Variants in LAMB1 observed in about 807,000 individuals in gnomAD.
LAMB1 encodes laminin subunit beta 1, also known as laminin subunit beta-1.
LAMB1 carries 121 observed loss-of-function variants against 222.3 expected under a neutral mutation model. The ratio of observed to expected loss-of-function variants is 0.54; its 90% CI spans 0.47 to 0.63. LAMB1 has a LOEUF of 0.63. LAMB1 is among the 30% of genes least tolerant of loss of function. The pLI is 0.00. For synonymous variants in LAMB1, 794 were observed against 807.2 expected (o/e 0.98, Z 0.28); for missense variants, 2,172 against 2,240.8 (o/e 0.97, Z 0.62).
chr7:107,933,600 A>G (rs567453179), intron 27 of LAMB1, among the ~76,000 whole-genome samples: 1 of 148,162 alleles, frequency 6.7e-6, no homozygotes, highest in South Asian at 2.1e-4. Context: ...TGGGGCAGAC[A>G]TGGAAAAAAA....
intron 27 of LAMB1, among the ~76,000 whole-genome samples, chr7:107,933,532 G>A (rs1256759133): frequency 6.6e-6 from 1 of 151,860 alleles, no homozygotes; most frequent in African/African-American, 2.4e-5. Flanking sequence ...TAAAACCTCG[G>A]TTGCTTTCTA....
intron 24 of LAMB1, among the ~76,000 whole-genome samples, chr7:107,949,426 T>G (rs185612127): frequency 7.2e-5 from 11 of 152,154 alleles, no homozygotes; most frequent in Non-Finnish European, 1.6e-4. Context: ...GATAGAGCCA[T>G]TATCTGGAAA....
At chr7:107,953,790 C>T in intron 21 of LAMB1, 36 bp from the exon 22 acceptor site, 1 of 1,587,302 alleles carries the variant, frequency 6.3e-7, no homozygotes, top group Non-Finnish European at 8.7e-7. Flanking sequence ...AGATGTTTAG[C>T]TTATTGACTG....
At chr7:107,924,960 C>T (rs1055210189) in intron 32 of LAMB1, among the ~76,000 whole-genome samples, 8 of 152,170 alleles carry the variant, frequency 5.3e-5, no homozygotes, top group African/African-American at 1.9e-4. Flanking sequence ...AATTTCATTT[C>T]AAGAGATTTT....
intron 20 of LAMB1, 95 bp from the exon 21 acceptor site, chr7:107,955,725 T>C: frequency 9.3e-7 from 1 of 1,073,484 alleles, no homozygotes; most frequent in Admixed American, 2.9e-5. Context: ...TTGGGCACAC[T>C]CTTCTCCACT....
At chr7:107,965,314 T>C (rs2150432098) in intron 13 of LAMB1, among the ~76,000 whole-genome samples, 1 of 152,360 alleles carries the variant, frequency 6.6e-6, no homozygotes, top group South Asian at 2.1e-4. Context: ...GCACGGTGGC[T>C]CACGCCTGTA....
chr7:107,938,907 TC>T (rs1431854002), intron 25 of LAMB1, among the ~76,000 whole-genome samples: 8 of 152,228 alleles, frequency 5.3e-5, no homozygotes, highest in Admixed American at 5.2e-4. Flanking sequence ...AGGACCTCCT[TC>T]AAGTCGCTTG....
chr7:107,935,243 G>C, intron 27 of LAMB1, 172 bp downstream of exon 27: 1 of 925,846 alleles, frequency 1.1e-6, no homozygotes, highest in Non-Finnish European at 1.6e-6. Flanking sequence ...CTTGGTTACA[G>C]ATACCCCATT....
intron 24 of LAMB1, among the ~76,000 whole-genome samples, chr7:107,946,484 T>C (rs1362264358): frequency 1.3e-5 from 2 of 152,274 alleles, no homozygotes; most frequent in Non-Finnish European, 2.9e-5. Flanking sequence ...TTATGATGAC[T>C]TGACTCTGGC....
chr7:108,001,437 C>A lies in LAMB1; in HGVS notation c.213+121G>T, dbSNP rs1275978621. Reference sequence around the variant, plus strand: ...AGCTACAAGCCTAATCCCGGGACTCCCCGGCTGGCTGCGCTTCCTATCTGG... The same window carrying A: ...AGCTACAAGCCTAATCCCGGGACTCACCGGCTGGCTGCGCTTCCTATCTGG... On this transcript the variant is annotated intron_variant, in intron 3 of 33. Coordinates refer to ENST00000222399, the MANE Select transcript of LAMB1 (RefSeq NM_002291.3). The A allele has an allele frequency of 6.1e-6, 7 of 1,154,864 alleles. No individual in the cohort carries two copies. In the East Asian group the frequency reaches 1.3e-4, roughly 22 times the overall value. The allele number at this position is 1,154,864 out of a possible 1,614,324, so 71.5% of individuals were successfully genotyped here.
chr7:107,996,623 G>A (rs1209769100), intron 4 of LAMB1, among the ~76,000 whole-genome samples: 1 of 152,160 alleles, frequency 6.6e-6, no homozygotes, highest in Non-Finnish European at 1.5e-5. Flanking sequence ...CTAATCTCTT[G>A]TGACAGAGTG....
Position 107,998,234 on chromosome 7 carries a change from T to G in LAMB1, c.349+123A>C, listed in dbSNP as rs917082273. The G allele has an allele frequency of 6.8e-6, 6 of 887,018 alleles. No homozygotes were observed. In the East Asian group the frequency reaches 1.0e-4, roughly 15 times the overall value. 54.9% of individuals were successfully genotyped at this position (887,018 alleles called of 1,614,324 possible). A position where few individuals can be genotyped will look rare whatever the true frequency, so the allele number is the denominator to read the frequency against. On this transcript the variant is annotated intron_variant, in intron 4 of 33. Coordinates refer to ENST00000222399, the MANE Select transcript of LAMB1 (RefSeq NM_002291.3). ...AAGTTAGTGCTCCAGGCAGTCAATC[T>G]GTCAGAGGCCATAATTACAGGACAG...
chr7:107,976,080 G>C (rs1490757729), intron 9 of LAMB1, among the ~76,000 whole-genome samples: 8 of 152,058 alleles, frequency 5.3e-5, no homozygotes, highest in African/African-American at 1.9e-4. Context: ...TCAAAAATGT[G>C]AACTTTATAA....
At chr7:107,956,631 C>A (rs1156400593) in intron 20 of LAMB1, among the ~76,000 whole-genome samples, 1 of 152,216 alleles carries the variant, frequency 6.6e-6, no homozygotes, top group Non-Finnish European at 1.5e-5. Context: ...GGGCTTATAC[C>A]TGTCAGCCTC....
intron 7 of LAMB1, among the ~76,000 whole-genome samples, chr7:107,981,842 C>T (rs1333210748): frequency 6.6e-6 from 1 of 152,120 alleles, no homozygotes; most frequent in Non-Finnish European, 1.5e-5. Context: ...AATTTCCCAC[C>T]GCTTAAATGA....
At chr7:107,972,497 G>A (rs1303482679) in intron 13 of LAMB1, among the ~76,000 whole-genome samples, 1 of 151,796 alleles carries the variant, frequency 6.6e-6, no homozygotes, top group African/African-American at 2.4e-5. Context: ...TTCTGGTGGA[G>A]CTTTATGCTT....
chr7:107,930,513 C>T (rs1452399958), intron 29 of LAMB1, among the ~76,000 whole-genome samples: 1 of 152,116 alleles, frequency 6.6e-6, no homozygotes, highest in Non-Finnish European at 1.5e-5. Context: ...AAATTATCAA[C>T]CCAGCATTAA....
At chr7:107,924,605 A>C (rs1261766532) in intron 32 of LAMB1, among the ~76,000 whole-genome samples, 4 of 152,232 alleles carry the variant, frequency 2.6e-5, no homozygotes, top group Non-Finnish European at 4.4e-5. Context: ...GTTGCAGCAA[A>C]TCCTTAGGGC....
At chr7:107,976,206 G>A (rs533743703) in intron 9 of LAMB1, among the ~76,000 whole-genome samples, 2 of 152,176 alleles carry the variant, frequency 1.3e-5, no homozygotes, top group Non-Finnish European at 2.9e-5. Flanking sequence ...CACTGAGGGC[G>A]CTTTCTGGTC....
Sources: allele counts gnomAD v4.1 joint callset (sites outside exome capture counted in the v4.1 genomes callset), GRCh38; gene constraint gnomAD v4.1.1; transcripts MANE v1.5; gene names NCBI Gene and HGNC (gene_info 2026-07-23, HGNC 2026-07-21).